GRM8: variants seen among roughly 807,000 people sequenced by gnomAD.
The protein encoded by GRM8 is glutamate metabotropic receptor 8.
A neutral mutation model predicts 87.2 loss-of-function variants in GRM8; 47 were observed. The observed-to-expected ratio is 0.54, with a 90% CI of 0.43 to 0.69. The LOEUF is 0.69. Ranked by LOEUF, GRM8 falls within the 30% of genes least tolerant of loss-of-function variation. The pLI, the probability that GRM8 is intolerant of heterozygous loss-of-function variation, is 0.00. For missense variants in GRM8, 1,019 were observed against 1,139.2 expected, an observed-to-expected ratio of 0.89 and a Z score of 1.52; for synonymous variants, 396 against 404.5, an observed-to-expected ratio of 0.98 and a Z score of 0.25.
chr7:127,047,335 C>G (rs1291026926), intron 3 of GRM8, among the ~76,000 whole-genome samples: 1 of 152,144 alleles, frequency 6.6e-6, no homozygotes, highest in Non-Finnish European at 1.5e-5. Context: ...GCTCTTGTTA[C>G]AACTTTCACT....
At chr7:126,816,413 C>G (rs1793791770) in intron 6 of GRM8, among the ~76,000 whole-genome samples, 1 of 152,020 alleles carries the variant, frequency 6.6e-6, no homozygotes, top group Non-Finnish European at 1.5e-5. Context: ...TTCACACATC[C>G]TTGTACAATG....
chr7:126,892,268 T>G (rs1563288647), intron 6 of GRM8, among the ~76,000 whole-genome samples: 1 of 152,076 alleles, frequency 6.6e-6, no homozygotes, highest in Non-Finnish European at 1.5e-5. Context: ...GCATTAGGTA[T>G]ATCTCCTAAT....
intron 2 of GRM8, among the ~76,000 whole-genome samples, chr7:127,156,165 C>CAGT (rs1194536919): frequency 6.6e-5 from 10 of 152,048 alleles, no homozygotes; most frequent in Admixed American, 2.0e-4. Flanking sequence ...GAAGGAGGGG[C>CAGT]AGTATGTGAG....
intron 7 of GRM8, among the ~76,000 whole-genome samples, chr7:126,647,822 A>G (rs1289380593): frequency 2.0e-5 from 3 of 152,130 alleles, no homozygotes; most frequent in South Asian, 4.1e-4. Flanking sequence ...ATCTGCTTGT[A>G]AAATGTCTCA....
chr7:126,566,221 A>T (rs189975893), intron 8 of GRM8, among the ~76,000 whole-genome samples: 1 of 152,338 alleles, frequency 6.6e-6, no homozygotes, highest in East Asian at 1.9e-4. Flanking sequence ...CAGAGCAAAG[A>T]AAGCAGTAAA....
intron 9 of GRM8, among the ~76,000 whole-genome samples, chr7:126,530,639 CTGAT>C (rs1814654083): frequency 6.6e-6 from 1 of 152,196 alleles, no homozygotes; most frequent in Non-Finnish European, 1.5e-5. Flanking sequence ...TAACATGGGG[CTGAT>C]TGTCTGAACA....
At chr7:127,165,777 A>G (rs1316049227) in intron 2 of GRM8, among the ~76,000 whole-genome samples, 1 of 152,150 alleles carries the variant, frequency 6.6e-6, no homozygotes, top group African/African-American at 2.4e-5. Context: ...CTGTCACTGA[A>G]TTATTCCACC....
intron 7 of GRM8, among the ~76,000 whole-genome samples, chr7:126,611,902 T>G (rs912094887): frequency 9.2e-5 from 14 of 152,214 alleles, no homozygotes; most frequent in Non-Finnish European, 5.9e-5. Context: ...TTAGATACTT[T>G]GAATATCATT....
chr7:127,021,217 C>T (rs1306269807), intron 3 of GRM8, among the ~76,000 whole-genome samples: 1 of 151,938 alleles, frequency 6.6e-6, no homozygotes, highest in Non-Finnish European at 1.5e-5. Flanking sequence ...GAAGTCTTGG[C>T]TTCCACACTG....
intron 3 of GRM8, chr7:127,058,261 T>TCAACACACTCCTTGACAACACAC: frequency 2.4e-6 from 1 of 417,762 alleles, no homozygotes; most frequent in Non-Finnish European, 4.8e-6. Flanking sequence ...TTTCTCTTTG[T>TCAACACACTCCTTGACAACACAC]TCTTGTCAAC....
At chr7:126,464,081 T>C (rs1804214589) in intron 9 of GRM8, among the ~76,000 whole-genome samples, 1 of 151,648 alleles carries the variant, frequency 6.6e-6, no homozygotes, top group Non-Finnish European at 1.5e-5. Context: ...AGTGATCAAA[T>C]TTTTTGCCCA....
intron 6 of GRM8, among the ~76,000 whole-genome samples, chr7:126,825,990 G>A (rs180907833): frequency 5.3e-5 from 8 of 151,882 alleles, no homozygotes; most frequent in Admixed American, 1.3e-4. Context: ...TTGTCCTTGC[G>A]ATAGTTTACT....
chr7:126,617,938 T>A (rs1467544256), intron 7 of GRM8, among the ~76,000 whole-genome samples: 1 of 152,108 alleles, frequency 6.6e-6, no homozygotes, highest in Non-Finnish European at 1.5e-5. Context: ...ATCATGAAAA[T>A]GGCCATACTG....
rs558349516 is a variant in GRM8 at position 126,753,888 on chromosome 7, G to A, written c.1357+15977C>T. On this transcript the variant is annotated intron_variant, in intron 7 of 10. Transcript: ENST00000339582. ...TTTTAAGTGATCTGAATCCACACTG[G>A]AATGCATCAATCTTTATGTATTTGT... is the stretch of plus-strand genomic sequence containing the variant. Among the ~76,000 whole-genome samples, 218 of 151,912 alleles carry A rather than the reference G, an allele frequency of 1.4e-3. 1 individual carries two copies. Among genetic ancestry groups the A allele is most frequent in the Middle Eastern group, 6.8e-3 (2 of 294 alleles).
chr7:126,619,024 G>A (rs1799823022), intron 7 of GRM8, among the ~76,000 whole-genome samples: 1 of 152,160 alleles, frequency 6.6e-6, no homozygotes, highest in African/African-American at 2.4e-5. Context: ...CCATTACTGG[G>A]TATATACCCA....
intron 6 of GRM8, among the ~76,000 whole-genome samples, chr7:126,770,876 G>A (rs548990373): frequency 8.1e-4 from 123 of 152,074 alleles, no homozygotes; most frequent in Non-Finnish European, 1.4e-3. Flanking sequence ...GGGTACATGG[G>A]GTACATAGGG....
rs563023746 is a variant in GRM8, at chr7:126,570,435, C to G, written c.1495-36548G>C. Among the ~76,000 whole-genome samples, 4 of 152,208 alleles carry G rather than the reference C, an allele frequency of 2.6e-5. No individual in the cohort carries two copies. In the South Asian group the frequency reaches 6.2e-4, roughly 24 times the overall value. On this transcript the variant is annotated intron_variant, in intron 8 of 10. Coordinates refer to ENST00000339582, the MANE Select transcript of GRM8 (RefSeq NM_000845.3). ...ATTAAGCCACTCCAGCTGCAATAGC[C>G]TACTTCATTGTATGAATATAAAATA...
chr7:126,537,543 A>G (rs10248626), intron 8 of GRM8, among the ~76,000 whole-genome samples: 3,337 of 152,252 alleles, frequency 0.022, 111 homozygotes, highest in African/African-American at 0.075. Flanking sequence ...TTGGGAGGCC[A>G]AGGCAGGCGG....
chr7:127,195,833 C>G (rs997644800), intron 2 of GRM8, among the ~76,000 whole-genome samples: 4 of 152,198 alleles, frequency 2.6e-5, no homozygotes, highest in Non-Finnish European at 4.4e-5. Flanking sequence ...CCACCCCCTT[C>G]CGCAAAATGC....
Sources: gnomAD v4.1 joint callset for allele counts (sites outside exome capture counted in the v4.1 genomes callset) on GRCh38, gnomAD v4.1.1 for gene constraint, MANE v1.5 for transcripts, NCBI Gene and HGNC (gene_info 2026-07-23, HGNC 2026-07-21) for gene names.